The following MAPKBP1 variants were observed in gnomAD, a reference collection of about 807,000 sequenced individuals.
MAPKBP1 encodes the protein mitogen-activated protein kinase binding protein 1, also known as mitogen-activated protein kinase-binding protein 1.
MAPKBP1 carries 71 observed loss-of-function variants against 170.5 expected under a neutral mutation model. That is an observed-to-expected ratio of 0.42 (90% CI 0.34 to 0.51). The LOEUF (loss-of-function observed/expected upper bound fraction) is 0.51, where lower values mean the gene tolerates loss of function less well. Among genes scored for constraint, MAPKBP1 ranks in the 20% least tolerant of loss-of-function variants. MAPKBP1 has a pLI of 0.06. For synonymous variants in MAPKBP1, 719 were observed against 757.9 expected (o/e 0.95, Z 0.84); for missense variants, 1,598 against 1,933.0 (o/e 0.83, Z 3.25).
intron 22 of MAPKBP1, 82 bp from the exon 23 acceptor site, chr15:41,820,750 A>G: frequency 9.9e-7 from 1 of 1,007,716 alleles, no homozygotes; most frequent in Non-Finnish European, 1.5e-6. Context: ...TGTGCCAGGC[A>G]CATAGTAAGG....
At position 41,823,821 on chromosome 15, in the gene MAPKBP1, C is replaced by T; in HGVS notation, c.3973C>T (p.Pro1325Ser). Reference sequence around the variant, plus strand: ...TGGCGAGGCAGAAAAGCCTGGCTTCCCGGTGGGCCTAGGAAAAGCTCACAG... The same window carrying T: ...TGGCGAGGCAGAAAAGCCTGGCTTCTCGGTGGGCCTAGGAAAAGCTCACAG... ...APGEAEKPGFPVGLGKAHSTT... is the reference protein window; with the variant it reads ...APGEAEKPGFSVGLGKAHSTT... The change falls in exon 29 of 31, where the codon CCG becomes TCG. Residue 1325 changes from proline to serine, a missense_variant. By Grantham distance (74) the Pro-to-Ser change is moderately conservative (BLOSUM62 -1). Coordinates refer to ENST00000457542, the MANE Select transcript of MAPKBP1 (RefSeq NM_014994.3). 3 of 1,614,186 alleles carry T rather than the reference C, an allele frequency of 1.9e-6. No homozygotes were observed. Among genetic ancestry groups the T allele is most frequent in the Middle Eastern group, 3.3e-4 (2 of 6,062 alleles).
rs2064960429 is a variant in MAPKBP1, at chr15:41,819,632, C to G, written c.2463C>G (p.Ser821=). The G allele has an allele frequency of 6.2e-7, 1 of 1,611,688 alleles. No homozygotes were observed. Among genetic ancestry groups the G allele is most frequent in the South Asian group, 1.1e-5 (1 of 91,040 alleles). The part of the protein sequence containing the change: ...VPSPALPRSL[S]HWEMSRAQES... Reference sequence around the variant, plus strand: ...GCCCAGCTTTGCCCCGAAGCCTGTCCCACTGGGAGATGAGTCGGGTGAGTC... The same window carrying G: ...GCCCAGCTTTGCCCCGAAGCCTGTCGCACTGGGAGATGAGTCGGGTGAGTC... Residue 821 remains serine (S), a synonymous_variant, in exon 22 of 31, where the codon TCC becomes TCG. Transcript: ENST00000457542.
chr15:41,802,352 A>G (rs1219480465), intron 3 of MAPKBP1, among the ~76,000 whole-genome samples: 1 of 152,188 alleles, frequency 6.6e-6, no homozygotes, highest in Non-Finnish European at 1.5e-5. Context: ...ACATTCAATA[A>G]TAGATTAACC....
intron 2 of MAPKBP1, among the ~76,000 whole-genome samples, chr15:41,793,516 G>A (rs2064432878): frequency 1.3e-5 from 2 of 152,044 alleles, no homozygotes; most frequent in South Asian, 4.2e-4. Context: ...ATATGTAATG[G>A]GTTTATTGTT....
intron 5 of MAPKBP1, chr15:41,811,511 CAG>C: frequency 4.5e-6 from 3 of 673,530 alleles, no homozygotes; most frequent in Non-Finnish European, 8.2e-6. Context: ...AACAAGTTCC[CAG>C]AGAGTGCTGA....
intron 3 of MAPKBP1, among the ~76,000 whole-genome samples, chr15:41,810,149 GTGTGGCCCCAAGCC>G (rs555998048): frequency 1.5e-4 from 23 of 152,294 alleles, no homozygotes; most frequent in Admixed American, 1.5e-3. Context: ...CTTGATACAC[GTGTGGCCCCAAGCC>G]TGTGAACGGG....
Position 41,825,279 on chromosome 15 carries a change from C to T in MAPKBP1, c.4370C>T (p.Ser1457Leu). Residue 1457 changes from serine (S) to leucine (L), a missense_variant, in exon 31 of 31, where the codon TCA (serine) becomes TTA (leucine). This residue lies in a region of MAPKBP1 where 942 missense variants were observed against 953.2 expected (regional missense o/e 0.99). Coordinates refer to ENST00000457542, the MANE Select transcript of MAPKBP1 (RefSeq NM_014994.3). Reference protein sequence around the residue: ...IAQLLRDTFSSVRQELEAVAG... With the variant: ...IAQLLRDTFSLVRQELEAVAG... The stretch of plus-strand genomic sequence containing the variant: ...CAGCTCCTCAGAGACACCTTCTCTT[C>T]AGTGCGACAGGAGCTGGAAGCTGTG... 6.2e-7 allele frequency: 1 copy of T among 1,611,852 alleles called. No homozygotes were observed. The highest frequency in any genetic ancestry group is 8.5e-7 in the Non-Finnish European group (1 of 1,178,502).
chr15:41,818,431 A>T lies in MAPKBP1; in HGVS notation c.2093-88A>T. On this transcript the variant is annotated intron_variant, in intron 18 of 30. Coordinates refer to ENST00000457542, the MANE Select transcript of MAPKBP1 (RefSeq NM_014994.3). The surrounding 1 kb of genome is among the most constrained non-coding windows in gnomAD (Gnocchi z 5.2). ...GCAGAGCTACCTATCCCTACCCTGC[A>T]GCCAACCCCCGTGTCCACTGTTGGG... The T allele has an allele frequency of 2.1e-6, 3 of 1,456,552 alleles. No homozygotes were observed. Among genetic ancestry groups the T allele is most frequent in the East Asian group, 4.6e-5 (2 of 43,822 alleles). The allele number at this position is 1,456,552 out of a possible 1,614,324, so 90.2% of individuals were successfully genotyped here.
Position 41,825,601 on chromosome 15 carries a change from T to C in MAPKBP1, c.*165T>C, listed in dbSNP as rs2065077556. On this transcript the variant is annotated 3_prime_UTR_variant, in exon 31 of 31. Coordinates refer to ENST00000457542, the MANE Select transcript of MAPKBP1 (RefSeq NM_014994.3). Reference sequence around the variant, plus strand: ...GCTCCTCGTGGGGGGCCTGTATTTATTAATTTATTTCCCTGACTGTTGCCT... The same window carrying C: ...GCTCCTCGTGGGGGGCCTGTATTTACTAATTTATTTCCCTGACTGTTGCCT... The C allele has an allele frequency of 3.5e-6, 2 of 567,120 alleles. No homozygotes were observed. Among genetic ancestry groups the C allele is most frequent in the Non-Finnish European group, 6.1e-6 (2 of 328,492 alleles). 35.1% of individuals were successfully genotyped at this position (567,120 alleles called of 1,614,324 possible).
chr15:41,813,797 C>T lies in MAPKBP1; in HGVS notation c.980+16C>T, dbSNP rs765025994. The T allele has an allele frequency of 1.9e-5, 30 of 1,565,138 alleles. No individual in the cohort carries two copies. Among genetic ancestry groups the T allele is most frequent in the Non-Finnish European group, 2.6e-5 (30 of 1,156,580 alleles). ...CCGAGGCCAGGTGAGCTATGTGGGC[C>T]CCCCTTCCTCCATTTGTAGCCTTAC... is the stretch of plus-strand genomic sequence containing the variant. On this transcript the variant is annotated intron_variant, in intron 9 of 30. Transcript: ENST00000457542.
At position 41,813,007 on chromosome 15, in the gene MAPKBP1, G is replaced by C; in HGVS notation, c.725G>C (p.Gly242Ala). The part of the protein sequence containing the change: ...NLFTDVACGR[G>A]KKADSTFCIT... ...TTCACTGATGTGGCCTGTGGCAGAG[G>C]AAAAAAGGCGGACAGTACCTTCTGC... Residue 242 changes from glycine to alanine, a missense_variant, in exon 8 of 31, where the codon GGA becomes GCA. Coordinates refer to ENST00000457542, the MANE Select transcript of MAPKBP1 (RefSeq NM_014994.3). 6.2e-7 allele frequency: 1 copy of C among 1,613,924 alleles called. No homozygotes were observed. The highest frequency in any genetic ancestry group is 8.5e-7 in the Non-Finnish European group (1 of 1,179,936).
At chr15:41,813,299 T>C (rs2064835358) in intron 8 of MAPKBP1, 198 bp downstream of exon 8, 1 of 1,529,752 alleles carries the variant, frequency 6.5e-7, no homozygotes, top group African/African-American at 1.4e-5. Flanking sequence ...GCTCTTTCTG[T>C]CTCTTTCCCC....
intron 30 of MAPKBP1, 95 bp downstream of exon 30, chr15:41,824,664 G>A: frequency 1.6e-6 from 2 of 1,213,324 alleles, no homozygotes; most frequent in Non-Finnish European, 2.3e-6. Context: ...TAAGCCTCTT[G>A]TGCTGACAGG....
At chr15:41,780,654 C>T (rs1295207776) in intron 2 of MAPKBP1, among the ~76,000 whole-genome samples, 1 of 152,078 alleles carries the variant, frequency 6.6e-6, no homozygotes, top group Non-Finnish European at 1.5e-5. Context: ...TTTCTGGCAG[C>T]TTCCTTTTCA....
At chr15:41,809,153 C>A (rs2064758786) in intron 3 of MAPKBP1, among the ~76,000 whole-genome samples, 1 of 149,400 alleles carries the variant, frequency 6.7e-6, no homozygotes, top group Non-Finnish European at 1.5e-5. Flanking sequence ...GAGGATGAGG[C>A]AGGAGGATTA....
Position 41,816,540 on chromosome 15 carries a change from C to T in MAPKBP1, c.1494-19C>T, listed in dbSNP as rs751340241. 6.3e-7 allele frequency: 1 copy of T among 1,595,304 alleles called. No homozygotes were observed. On this transcript the variant is annotated intron_variant, in intron 12 of 30. Coordinates refer to ENST00000457542, the MANE Select transcript of MAPKBP1 (RefSeq NM_014994.3). ...GCGGCCTGGCCATGGCCTCTTCCCA[C>T]CTCTCCTCATCTTTGCAGGGTGCAC... is the stretch of plus-strand genomic sequence containing the variant.
In MAPKBP1 at chr15:41,825,200, C is replaced by A. The variant is rs1000005359; in HGVS notation, c.4300-9C>A. 2 of 1,572,918 alleles carry A rather than the reference C, an allele frequency of 1.3e-6. No homozygotes were observed. The highest frequency in any genetic ancestry group is 1.4e-5 in the African/African-American group (1 of 73,984). ...CTCCTCCACCTCACTTCTGGGGGTG[C>A]TATTTCAGGTGGCTGGCTGCAAGAT... is the stretch of plus-strand genomic sequence containing the variant. On this transcript the variant is annotated splice_polypyrimidine_tract_variant and intron_variant, in intron 30 of 30. Transcript: ENST00000457542.
intron 27 of MAPKBP1, 100 bp downstream of exon 27, chr15:41,822,777 G>T: frequency 6.7e-7 from 1 of 1,500,010 alleles, no homozygotes; most frequent in Non-Finnish European, 9.2e-7. Context: ...CATGCGCGGG[G>T]TGTTTTGCAC....
chr15:41,792,195 G>C (rs2064408036), intron 2 of MAPKBP1, among the ~76,000 whole-genome samples: 1 of 151,368 alleles, frequency 6.6e-6, no homozygotes, highest in African/African-American at 2.4e-5. Context: ...TAAACACGTG[G>C]CTTTATTCTT....
Sources: allele counts gnomAD v4.1 joint callset (sites outside exome capture counted in the v4.1 genomes callset), GRCh38; gene constraint gnomAD v4.1.1; regional missense constraint gnomAD v4.1.1; non-coding constraint Gnocchi (gnomAD v3.1); transcripts MANE v1.5; gene names NCBI Gene and HGNC (gene_info 2026-07-23, HGNC 2026-07-21).